The following CCDC88C variants were observed in gnomAD, a reference collection of about 807,000 sequenced individuals.
CCDC88C encodes protein Daple.
In CCDC88C, 131 loss-of-function variants were observed where a neutral mutation model predicts 198.8. The observed-to-expected ratio is 0.66, with a 90% CI of 0.57 to 0.76. CCDC88C has a LOEUF of 0.76. Ranked by LOEUF, CCDC88C falls within the 30% of genes least tolerant of loss-of-function variation. CCDC88C has a pLI of 0.00. For synonymous variants in CCDC88C, 1,166 were observed against 1,114.7 expected, an observed-to-expected ratio of 1.05 and a Z score of -0.92; for missense variants, 2,553 against 2,631.6, an observed-to-expected ratio of 0.97 and a Z score of 0.65.
intron 20 of CCDC88C, among the ~76,000 whole-genome samples, chr14:91,301,366 A>G (rs1891273926): frequency 6.6e-6 from 1 of 152,206 alleles, no homozygotes; most frequent in Non-Finnish European, 1.5e-5. Flanking sequence ...ACCTGCAGGG[A>G]AAACAACAGT....
At chr14:91,390,541 C>G (rs1596148943) in intron 3 of CCDC88C, among the ~76,000 whole-genome samples, 1 of 152,236 alleles carries the variant, frequency 6.6e-6, no homozygotes, top group African/African-American at 2.4e-5. Context: ...GGGCCCTCAC[C>G]CCTCCAGCCT....
intron 3 of CCDC88C, 95 bp from the exon 4 acceptor site, chr14:91,359,806 G>T: frequency 9.1e-7 from 1 of 1,097,404 alleles, no homozygotes; most frequent in Non-Finnish European, 1.4e-6. Flanking sequence ...CCCCGGACGG[G>T]TGCACAGCCA....
At position 91,417,772 on chromosome 14, in the gene CCDC88C, C is replaced by CACAAAACG; in HGVS notation, c.-83_-82insCGTTTTGT. ...GCCGCGGCACAAAACGGCTCCGCAGCGAGCAGCGGGCGCGGGGCTGCGGCG... is the reference window on the plus strand; with the variant it reads ...GCCGCGGCACAAAACGGCTCCGCAGCACAAAACGGAGCAGCGGGCGCGGGGCTGCGGCG... On this transcript the variant is annotated 5_prime_UTR_variant, in exon 1 of 30. Transcript: ENST00000389857. The CACAAAACG allele has an allele frequency of 1.9e-6, 2 of 1,063,210 alleles. No individual in the cohort carries two copies. Among genetic ancestry groups the CACAAAACG allele is most frequent in the Non-Finnish European group, 2.4e-6 (2 of 831,530 alleles). The allele number at this position is 1,063,210 out of a possible 1,614,324, so 65.9% of individuals were successfully genotyped here. A position where few individuals can be genotyped will look rare whatever the true frequency, so the allele number is the denominator to read the frequency against.
chr14:91,308,414 G>A lies in CCDC88C; in HGVS notation c.2943C>T (p.Leu981=). 1.2e-6 allele frequency: 2 copies of A among 1,613,762 alleles called. No individual in the cohort carries two copies. Among genetic ancestry groups the A allele is most frequent in the Non-Finnish European group, 1.7e-6 (2 of 1,179,662 alleles). ...CTTTCTCTTCCATCTGTGCTTCTAA[G>A]AGCACAATCTTTTCTTCTTTCATGG... ...TLAMKEEKIV[L]LEAQMEEKAS... The change falls in exon 17 of 30, where the codon CTC becomes CTT. Residue 981 remains leucine (L), a synonymous_variant. Transcript: ENST00000389857.
At chr14:91,404,829 G>A (rs1445839781) in intron 3 of CCDC88C, among the ~76,000 whole-genome samples, 2 of 152,044 alleles carry the variant, frequency 1.3e-5, no homozygotes, top group Non-Finnish European at 2.9e-5. Flanking sequence ...GCCAGGAGTG[G>A]TGGCAGGTGC....
chr14:91,344,668 C>T (rs1042673925), intron 4 of CCDC88C, among the ~76,000 whole-genome samples: 4 of 151,904 alleles, frequency 2.6e-5, no homozygotes, highest in South Asian at 2.1e-4. Context: ...GCCACCACCG[C>T]GCCCAGCTAA....
At chr14:91,377,308 A>G (rs1884493731) in intron 3 of CCDC88C, among the ~76,000 whole-genome samples, 1 of 152,178 alleles carries the variant, frequency 6.6e-6, no homozygotes, top group Admixed American at 6.5e-5. Context: ...TCCCAGCCTG[A>G]GGCCTGCTGT....
chr14:91,325,417 G>A lies in CCDC88C; in HGVS notation c.1197+493C>T, dbSNP rs10147454. 0.69 allele frequency among the ~76,000 whole-genome samples: 105,274 copies of A among 151,964 alleles called. 36,978 individuals carry two copies. Among genetic ancestry groups the A allele is most frequent in the Non-Finnish European group, 0.72 (49,142 of 67,950 alleles). On this transcript the variant is annotated intron_variant, in intron 11 of 29. Coordinates refer to ENST00000389857, the MANE Select transcript of CCDC88C (RefSeq NM_001080414.4). The surrounding 1 kb of genome is among the most constrained non-coding windows in gnomAD (Gnocchi z 4.1). ...TGTTTGTGGGTGTTAAGTGGCACCC[G>A]CTCAAGCCTGCTGATTTTAGCAAGC...
At chr14:91,417,563 G>T in intron 1 of CCDC88C, 68 bp downstream of exon 1, 1 of 1,452,280 alleles carries the variant, frequency 6.9e-7, no homozygotes, top group Non-Finnish European at 9.4e-7. Flanking sequence ...CGGGTCTGCG[G>T]CGTCCCGTCG....
At chr14:91,298,227 T>C (rs928416379) in intron 21 of CCDC88C, among the ~76,000 whole-genome samples, 16 of 152,004 alleles carry the variant, frequency 1.1e-4, no homozygotes, top group African/African-American at 3.9e-4. Context: ...TTGAGGCCAG[T>C]TCCACACCAG....
chr14:91,273,363 C>T lies in CCDC88C; in HGVS notation c.5349G>A (p.Arg1783=). 6.5e-7 allele frequency: 1 copy of T among 1,532,226 alleles called. No individual in the cohort carries two copies. The highest frequency in any genetic ancestry group is 8.8e-7 in the Non-Finnish European group (1 of 1,138,022). The allele number at this position is 1,532,226 out of a possible 1,614,324, so 94.9% of individuals were successfully genotyped here. A position where few individuals can be genotyped will look rare whatever the true frequency, so the allele number is the denominator to read the frequency against. The change falls in exon 30 of 30, where the codon CGG becomes CGA. Residue 1783 remains arginine, a synonymous_variant. Transcript: ENST00000389857. This position sits in a 1 kb window ranked among gnomAD's most constrained non-coding sequence, Gnocchi z 5.6. ...GGGAAGCTGGGGGCACCGGAGCCTG[C>T]CGGGGTCTGCCCAGAGACAGGCTCT... ...PPQSLSLGRP[R]QAPVPPASHA... is the part of the protein sequence containing the mutation.
intron 10 of CCDC88C, 40 bp downstream of exon 10, chr14:91,337,965 C>T (rs1893122522): frequency 1.2e-6 from 2 of 1,602,620 alleles, no homozygotes; most frequent in South Asian, 2.2e-5. Flanking sequence ...CAGGAATTTC[C>T]AGCAGCCCCA....
In CCDC88C at chr14:91,339,176, G is replaced by T. The variant is rs546381325; in HGVS notation, c.809+102C>A. On this transcript the variant is annotated intron_variant, in intron 8 of 29. Coordinates refer to ENST00000389857, the MANE Select transcript of CCDC88C (RefSeq NM_001080414.4). The surrounding 1 kb of genome is among the most constrained non-coding windows in gnomAD (Gnocchi z 5.8). ...GACCCCAGCTGACTCCGGGGCACAC[G>T]TCAGAGCTGTGCCATTGGCAGCACC... 1 of 1,395,438 alleles carries T rather than the reference G, an allele frequency of 7.2e-7. No individual in the cohort carries two copies. The highest frequency in any genetic ancestry group is 2.4e-5 in the East Asian group (1 of 41,050). The allele number at this position is 1,395,438 out of a possible 1,614,324, so 86.4% of individuals were successfully genotyped here.
At chr14:91,281,794 T>G (rs1430884911) in intron 26 of CCDC88C, among the ~76,000 whole-genome samples, 1 of 152,162 alleles carries the variant, frequency 6.6e-6, no homozygotes, top group Admixed American at 6.5e-5. Flanking sequence ...AGGCGTGTTC[T>G]GGCCTAAGGA....
chr14:91,328,230 T>C (rs1208109982), intron 10 of CCDC88C, among the ~76,000 whole-genome samples: 1 of 152,190 alleles, frequency 6.6e-6, no homozygotes, highest in African/African-American at 2.4e-5. Flanking sequence ...TTCTAACTGC[T>C]ACTCAAACAT....
rs1274132971 is a variant in CCDC88C, at chr14:91,339,200, C to T, written c.809+78G>A. Reference sequence around the variant, plus strand: ...CGTCAGAGCTGTGCCATTGGCAGCACCACACATGTGAGTCGACACCACACC... The same window carrying T: ...CGTCAGAGCTGTGCCATTGGCAGCATCACACATGTGAGTCGACACCACACC... On this transcript the variant is annotated intron_variant, in intron 8 of 29. Transcript: ENST00000389857. The surrounding 1 kb of genome is among the most constrained non-coding windows in gnomAD (Gnocchi z 5.8). 45 of 1,531,852 alleles carry T rather than the reference C, an allele frequency of 2.9e-5. No individual in the cohort carries two copies. The highest frequency in any genetic ancestry group is 3.7e-5 in the Non-Finnish European group (41 of 1,121,470). The allele number at this position is 1,531,852 out of a possible 1,614,324, so 94.9% of individuals were successfully genotyped here. A position where few individuals can be genotyped will look rare whatever the true frequency, so the allele number is the denominator to read the frequency against.
intron 28 of CCDC88C, 138 bp downstream of exon 28, chr14:91,279,100 A>G (rs1255424499): frequency 1.4e-6 from 1 of 698,742 alleles, no homozygotes; most frequent in Non-Finnish European, 2.5e-6. Context: ...GGGTTTCGCC[A>G]TGTTTCCCAG....
intron 3 of CCDC88C, among the ~76,000 whole-genome samples, chr14:91,361,582 C>A (rs530688961): frequency 9.2e-5 from 14 of 152,332 alleles, no homozygotes; most frequent in African/African-American, 3.4e-4. Flanking sequence ...ACCAACCCCC[C>A]TCCACTCAGT....
chr14:91,354,308 G>A (rs556733298), intron 4 of CCDC88C, among the ~76,000 whole-genome samples: 7 of 152,332 alleles, frequency 4.6e-5, no homozygotes, highest in African/African-American at 1.2e-4. Flanking sequence ...TTTCTTGTGC[G>A]TGTGGCACAG....
Sources: gnomAD v4.1 joint callset for allele counts (sites outside exome capture counted in the v4.1 genomes callset) on GRCh38, gnomAD v4.1.1 for gene constraint, Gnocchi (gnomAD v3.1) non-coding constraint, MANE v1.5 for transcripts, NCBI Gene and HGNC (gene_info 2026-07-23, HGNC 2026-07-21) for gene names.